Variants in TENM3 observed in about 807,000 individuals in gnomAD.
TENM3 encodes the protein teneurin transmembrane protein 3.
Under a neutral mutation model 255.1 loss-of-function variants are expected in TENM3, and 63 were observed. The ratio of observed to expected loss-of-function variants is 0.25; its 90% CI spans 0.20 to 0.30. TENM3 has a LOEUF of 0.30. TENM3 is among the 10% of genes least tolerant of loss of function. The probability of loss-of-function intolerance (pLI) is 1.00; values close to 1 mark genes in which losing one functional copy is unlikely to be tolerated. For synonymous variants in TENM3, 1,306 were observed against 1,322.3 expected (o/e 0.99, Z 0.27); for missense variants, 2,929 against 3,461.1 (o/e 0.85, Z 3.86).
At chr4:182,591,253 AAG>A (rs995138586) in intron 3 of TENM3, among the ~76,000 whole-genome samples, 1 of 152,108 alleles carries the variant, frequency 6.6e-6, no homozygotes, top group Non-Finnish European at 1.5e-5. Flanking sequence ...AAGAGAGAGA[AAG>A]AGAGAGAGAA....
chr4:182,590,143 A>C (rs931228627), intron 3 of TENM3, among the ~76,000 whole-genome samples: 13 of 152,172 alleles, frequency 8.5e-5, no homozygotes, highest in African/African-American at 3.1e-4. Flanking sequence ...AGGGAGGCCC[A>C]GGCTAGTGGG....
At chr4:181,494,271 A>G in the TENM3 span, among the ~76,000 whole-genome samples, 1 of 152,050 alleles carries the variant, frequency 6.6e-6, no homozygotes, top group Non-Finnish European at 1.5e-5. Flanking sequence ...TGAAAACTCA[A>G]ATCTGCCAAA....
At chr4:181,690,714 ACGTGAAT>A in the TENM3 span, among the ~76,000 whole-genome samples, 1 of 152,200 alleles carries the variant, frequency 6.6e-6, no homozygotes, top group African/African-American at 2.4e-5. Context: ...AGCAGGGCTA[ACGTGAAT>A]CACAGAAAAA....
At chr4:182,682,446 G>C (rs1264589023) in intron 11 of TENM3, among the ~76,000 whole-genome samples, 2 of 152,200 alleles carry the variant, frequency 1.3e-5, no homozygotes, top group African/African-American at 4.8e-5. Flanking sequence ...TAGACATTAT[G>C]ATATGAATAA....
At chr4:181,479,373 T>C in the TENM3 span, among the ~76,000 whole-genome samples, 3 of 152,204 alleles carry the variant, frequency 2.0e-5, no homozygotes, top group Non-Finnish European at 2.9e-5. Context: ...TAATTACCTA[T>C]ACATAGCATG....
intron 7 of TENM3, among the ~76,000 whole-genome samples, chr4:182,675,165 C>T (rs1426866455): frequency 2.0e-5 from 3 of 152,080 alleles, no homozygotes; most frequent in African/African-American, 4.8e-5. Flanking sequence ...CGTGAGCCAC[C>T]GCACCCAGCC....
chr4:181,720,328 A>G, the TENM3 span, among the ~76,000 whole-genome samples: 1 of 152,210 alleles, frequency 6.6e-6, no homozygotes, highest in Non-Finnish European at 1.5e-5. Context: ...CTAAGCCAAT[A>G]TTATAATTCT....
At chr4:181,606,071 T>A in the TENM3 span, among the ~76,000 whole-genome samples, 1 of 152,184 alleles carries the variant, frequency 6.6e-6, no homozygotes, top group Non-Finnish European at 1.5e-5. Context: ...GCCAAAACTC[T>A]TGATTCTAAG....
the TENM3 span, among the ~76,000 whole-genome samples, chr4:181,727,313 C>T: frequency 1.3e-5 from 2 of 152,148 alleles, no homozygotes; most frequent in Non-Finnish European, 2.9e-5. Context: ...CTCAGGTGTG[C>T]TTGAAAGAGC....
chr4:182,120,872 G>C, the TENM3 span, among the ~76,000 whole-genome samples: 1 of 152,176 alleles, frequency 6.6e-6, no homozygotes, highest in African/African-American at 2.4e-5. Context: ...AGGGGTAACA[G>C]AGGATCAGAT....
At chr4:182,046,273 T>C in the TENM3 span, among the ~76,000 whole-genome samples, 1 of 152,134 alleles carries the variant, frequency 6.6e-6, no homozygotes, top group Non-Finnish European at 1.5e-5. Context: ...TTCTAATTCT[T>C]ACAAATTGGA....
At chr4:181,674,276 G>A in the TENM3 span, among the ~76,000 whole-genome samples, 1 of 152,148 alleles carries the variant, frequency 6.6e-6, no homozygotes, top group African/African-American at 2.4e-5. Context: ...GGGATTGCAG[G>A]CGTGAGCCAC....
chr4:181,531,525 C>T, the TENM3 span, among the ~76,000 whole-genome samples: 12,073 of 152,158 alleles, frequency 0.079, 692 homozygotes, highest in African/African-American at 0.16. Context: ...TAGGAGTTTA[C>T]ACATAGGGTA....
intron 6 of TENM3, among the ~76,000 whole-genome samples, chr4:182,664,007 C>T (rs528851896): frequency 6.6e-5 from 10 of 152,230 alleles, no homozygotes; most frequent in East Asian, 1.9e-4. Flanking sequence ...ACTCAGAATG[C>T]GGTGAAAAAT....
chr4:182,384,891 G>A (rs1316298249), intron 3 of TENM3, among the ~76,000 whole-genome samples: 1 of 152,018 alleles, frequency 6.6e-6, no homozygotes, highest in East Asian at 1.9e-4. Flanking sequence ...AAGTCTGGAA[G>A]CTGAATAAGC....
the TENM3 span, among the ~76,000 whole-genome samples, chr4:182,089,820 T>C: frequency 7.9e-5 from 12 of 152,240 alleles, no homozygotes; most frequent in Non-Finnish European, 1.5e-4. Flanking sequence ...TATTTATTAG[T>C]GTCCATTACT....
At chr4:181,457,177 G>C in the TENM3 span, among the ~76,000 whole-genome samples, 1 of 151,808 alleles carries the variant, frequency 6.6e-6, no homozygotes, top group African/African-American at 2.4e-5. Context: ...TTTTAAAATA[G>C]TGAAAGTGGT....
chr4:181,508,467 A>C, the TENM3 span, among the ~76,000 whole-genome samples: 3 of 152,260 alleles, frequency 2.0e-5, no homozygotes, highest in Admixed American at 1.3e-4. Context: ...CCTTACAAGC[A>C]GTATTTTAAG....
chr4:182,403,732 G>GTTATT (rs1264731746), intron 3 of TENM3, among the ~76,000 whole-genome samples: 1 of 152,224 alleles, frequency 6.6e-6, no homozygotes, highest in Middle Eastern at 3.4e-3. Context: ...TTGTTTTCTA[G>GTTATT]TTATTTTATT....
Sources: gnomAD v4.1 joint callset for allele counts (sites outside exome capture counted in the v4.1 genomes callset) on GRCh38, gnomAD v4.1.1 for gene constraint, MANE v1.5 for transcripts, NCBI Gene and HGNC (gene_info 2026-07-23, HGNC 2026-07-21) for gene names.